Variants in TAMM41 observed in about 807,000 individuals in gnomAD.
TAMM41 encodes TAM41 mitochondrial translocator assembly and maintenance homolog, also known as phosphatidate cytidylyltransferase, mitochondrial.
TAMM41 carries 36 observed loss-of-function variants against 44.1 expected under a neutral mutation model. The ratio of observed to expected loss-of-function variants is 0.82; its 90% CI spans 0.63 to 1.08. The LOEUF is 1.08. Among genes scored for constraint, TAMM41 ranks in the 50% least tolerant of loss-of-function variants. TAMM41 has a pLI of 0.00. For missense variants in TAMM41, 417 were observed against 404.3 expected (o/e 1.03, Z -0.27); for synonymous variants, 164 against 153.1 (o/e 1.07, Z -0.53).
the TAMM41 span, among the ~76,000 whole-genome samples, chr3:11,771,030 G>A: frequency 6.6e-6 from 1 of 151,950 alleles, no homozygotes; most frequent in African/African-American, 2.4e-5. Context: ...CTTCTCCCCT[G>A]CAGTTCTCTC....
intron 4 of TAMM41, among the ~76,000 whole-genome samples, chr3:11,826,064 A>G (rs1182309075): frequency 6.6e-6 from 1 of 152,220 alleles, no homozygotes; most frequent in Non-Finnish European, 1.5e-5. Flanking sequence ...AGTGATTCAC[A>G]GCAGTGTTGC....
the TAMM41 span, among the ~76,000 whole-genome samples, chr3:11,746,405 GT>G: frequency 2.6e-5 from 4 of 151,842 alleles, no homozygotes; most frequent in African/African-American, 9.7e-5. Context: ...TAGAAGACTT[GT>G]GCACAAATGT....
At chr3:11,799,424 C>T (rs2077690079) in intron 7 of TAMM41, among the ~76,000 whole-genome samples, 1 of 152,174 alleles carries the variant, frequency 6.6e-6, no homozygotes, top group Non-Finnish European at 1.5e-5. Context: ...CAAACCTCTG[C>T]CCTCAGCACT....
chr3:11,812,196 G>A (rs1041495933), intron 5 of TAMM41, among the ~76,000 whole-genome samples: 1 of 152,104 alleles, frequency 6.6e-6, no homozygotes, highest in African/African-American at 2.4e-5. Flanking sequence ...CCAAAGTGCT[G>A]GGATTAAAGG....
At chr3:11,790,652 T>C in intron 7 of TAMM41, 71 bp from the exon 8 acceptor site, 6 of 1,357,630 alleles carry the variant, frequency 4.4e-6, no homozygotes, top group Middle Eastern at 1.8e-4. Context: ...TTCAGTGACA[T>C]TCTGAGCAGA....
the TAMM41 span, among the ~76,000 whole-genome samples, chr3:11,750,597 A>G: frequency 6.6e-6 from 1 of 152,168 alleles, no homozygotes; most frequent in African/African-American, 2.4e-5. Flanking sequence ...GGTGTGAGCC[A>G]CTGCGCCCAG....
At chr3:11,787,924 T>C (rs1208052472), downstream of TAMM41, among the ~76,000 whole-genome samples, 1 of 152,234 alleles carries the variant, frequency 6.6e-6, no homozygotes, top group Non-Finnish European at 1.5e-5. Context: ...CCTCCTTATA[T>C]GGCTTTTTGA....
At chr3:11,831,741 C>T (rs1436445167) in intron 3 of TAMM41, among the ~76,000 whole-genome samples, 1 of 152,172 alleles carries the variant, frequency 6.6e-6, no homozygotes, top group Non-Finnish European at 1.5e-5. Context: ...TATTATAAAA[C>T]ATATAACTAT....
downstream of TAMM41, among the ~76,000 whole-genome samples, chr3:11,786,679 C>T (rs2077419957): frequency 6.6e-6 from 1 of 152,140 alleles, no homozygotes; most frequent in African/African-American, 2.4e-5. Flanking sequence ...CAGCTCACTG[C>T]AGCCTCAACC....
the TAMM41 span, among the ~76,000 whole-genome samples, chr3:11,775,073 T>C: frequency 6.6e-6 from 1 of 152,148 alleles, no homozygotes; most frequent in African/African-American, 2.4e-5. Flanking sequence ...TTTCACCATC[T>C]TGGCCAGGCT....
rs562272809 is a variant in TAMM41, at chr3:11,811,991, G to A, written c.709-2309C>T. Among the ~76,000 whole-genome samples, 20 of 152,222 alleles carry A rather than the reference G, an allele frequency of 1.3e-4. 1 individual carries two copies. Among genetic ancestry groups the A allele is most frequent in the African/African-American group, 3.4e-4 (14 of 41,526 alleles). On this transcript the variant is annotated intron_variant, in intron 5 of 7. Coordinates refer to ENST00000455809, the MANE Select transcript of TAMM41 (RefSeq NM_001284401.2). ...TGCCCAGGCTGGAGTGCAGTGGCGCGATCTCAGCTCGCTGCAACCTCCATC... is the reference window on the plus strand; with the variant it reads ...TGCCCAGGCTGGAGTGCAGTGGCGCAATCTCAGCTCGCTGCAACCTCCATC...
intron 5 of TAMM41, among the ~76,000 whole-genome samples, chr3:11,814,279 A>T (rs1191077505): frequency 6.6e-6 from 1 of 152,166 alleles, no homozygotes; most frequent in Non-Finnish European, 1.5e-5. Context: ...AAAAACAGAC[A>T]AGAGGAACTA....
intron 2 of TAMM41, among the ~76,000 whole-genome samples, chr3:11,842,677 G>A (rs1456931169): frequency 1.3e-5 from 2 of 151,302 alleles, no homozygotes; most frequent in African/African-American, 4.8e-5. Context: ...CTGGGTGACA[G>A]AGCCAGACCC....
chr3:11,804,994 C>G (rs1489510194), intron 7 of TAMM41, among the ~76,000 whole-genome samples: 3 of 137,822 alleles, frequency 2.2e-5, no homozygotes, highest in Non-Finnish European at 4.5e-5. Context: ...CCACGCCCAG[C>G]CCTTTTTTTT....
rs148214249 is a variant in TAMM41 at position 11,802,623 on chromosome 3, A to G, written c.937+5210T>C. 1.4e-4 allele frequency among the ~76,000 whole-genome samples: 21 copies of G among 152,354 alleles called. No individual in the cohort carries two copies. In the East Asian group the frequency reaches 3.7e-3, roughly 27 times the overall value. ...GTCACAGCTGAACTCTACCAAACAC[A>G]GAAAGAATGAATACCAATCCTTCTG... On this transcript the variant is annotated intron_variant, in intron 7 of 7. Coordinates refer to ENST00000455809, the MANE Select transcript of TAMM41 (RefSeq NM_001284401.2).
chr3:11,753,763 G>A, the TAMM41 span, among the ~76,000 whole-genome samples: 1 of 151,812 alleles, frequency 6.6e-6, no homozygotes, highest in East Asian at 1.9e-4. Flanking sequence ...TAAACTGGCT[G>A]TCTTGGGAGG....
chr3:11,802,184 C>T (rs2077774365), intron 7 of TAMM41, among the ~76,000 whole-genome samples: 1 of 152,150 alleles, frequency 6.6e-6, no homozygotes, highest in African/African-American at 2.4e-5. Flanking sequence ...TGCCACTGCA[C>T]CGTGTAGCCT....
At chr3:11,764,357 G>A in the TAMM41 span, among the ~76,000 whole-genome samples, 3 of 151,888 alleles carry the variant, frequency 2.0e-5, no homozygotes, top group East Asian at 1.9e-4. Context: ...ACTGCTTTGC[G>A]TTCCCAGTGG....
the TAMM41 span, among the ~76,000 whole-genome samples, chr3:11,784,806 T>TTTC: frequency 6.1e-5 from 9 of 147,784 alleles, no homozygotes; most frequent in East Asian, 2.0e-4. Context: ...CTTTTTTTTT[T>TTTC]TTTTTTTTTT....
Sources: gnomAD v4.1 joint callset for allele counts (sites outside exome capture counted in the v4.1 genomes callset) on GRCh38, gnomAD v4.1.1 for gene constraint, MANE v1.5 for transcripts, NCBI Gene and HGNC (gene_info 2026-07-23, HGNC 2026-07-21) for gene names.